The following MIPOL1 variants were observed in gnomAD, a reference collection of about 807,000 sequenced individuals.
The protein encoded by MIPOL1 is mirror-image polydactyly gene 1 protein.
MIPOL1 carries 57 observed loss-of-function variants against 60.9 expected under a neutral mutation model. The ratio of observed to expected loss-of-function variants is 0.94; its 90% CI spans 0.76 to 1.17. The LOEUF (loss-of-function observed/expected upper bound fraction) is 1.17. Among genes scored for constraint, MIPOL1 ranks in the 50% most tolerant of loss-of-function variants. The probability of loss-of-function intolerance (pLI) is 0.00; values close to 1 mark genes in which losing one functional copy is unlikely to be tolerated. For missense variants in MIPOL1, 551 were observed against 511.6 expected (o/e 1.08, Z -0.74); for synonymous variants, 179 against 168.8 (o/e 1.06, Z -0.47).
intron 6 of MIPOL1, among the ~76,000 whole-genome samples, chr14:37,275,255 T>C (rs951382908): frequency 1.3e-5 from 2 of 151,238 alleles, no homozygotes; most frequent in African/African-American, 4.8e-5. Flanking sequence ...TACTGAGTTT[T>C]AGCTCATTAA....
chr14:37,250,028 G>A (rs947300256), intron 3 of MIPOL1, among the ~76,000 whole-genome samples: 3 of 152,090 alleles, frequency 2.0e-5, no homozygotes, highest in African/African-American at 7.2e-5. Flanking sequence ...GTCAAGGAAG[G>A]AGCTGATGAA....
chr14:37,320,223 T>C (rs2153446241), intron 9 of MIPOL1, among the ~76,000 whole-genome samples: 1 of 152,288 alleles, frequency 6.6e-6, no homozygotes, highest in South Asian at 2.1e-4. Flanking sequence ...TTAGCTTTAT[T>C]AGGTAATGCC....
At chr14:37,287,322 T>C (rs1490003775) in intron 7 of MIPOL1, among the ~76,000 whole-genome samples, 1 of 152,048 alleles carries the variant, frequency 6.6e-6, no homozygotes, top group African/African-American at 2.4e-5. Flanking sequence ...TCAGAGCTCA[T>C]TGCAGACTTG....
At chr14:37,309,361 A>G (rs919674017) in intron 9 of MIPOL1, among the ~76,000 whole-genome samples, 3 of 151,968 alleles carry the variant, frequency 2.0e-5, no homozygotes, top group Non-Finnish European at 1.5e-5. Context: ...AGTGCACACT[A>G]TTGTTGTAGT....
chr14:37,265,003 C>G (rs1309325697), intron 3 of MIPOL1, among the ~76,000 whole-genome samples: 4 of 152,134 alleles, frequency 2.6e-5, no homozygotes, highest in South Asian at 2.1e-4. Flanking sequence ...CAACTCATTT[C>G]CAGATGAGCC....
At chr14:37,460,891 A>G (rs2094531524) in intron 11 of MIPOL1, among the ~76,000 whole-genome samples, 1 of 152,232 alleles carries the variant, frequency 6.6e-6, no homozygotes, top group Non-Finnish European at 1.5e-5. Flanking sequence ...ATGTTCATGG[A>G]TCAAAGAAAT....
chr14:37,511,846 C>T (rs954818994), intron 12 of MIPOL1, among the ~76,000 whole-genome samples: 2 of 152,032 alleles, frequency 1.3e-5, no homozygotes, highest in African/African-American at 2.4e-5. Context: ...CAAATTCCCT[C>T]ATAAACTATA....
At chr14:37,379,481 T>G (rs1050593467) in intron 10 of MIPOL1, among the ~76,000 whole-genome samples, 2 of 152,048 alleles carry the variant, frequency 1.3e-5, no homozygotes, top group African/African-American at 4.8e-5. Context: ...AATAAAAATA[T>G]AAAACTTCTG....
At chr14:37,205,560 G>T (rs1468754841) in intron 1 of MIPOL1, among the ~76,000 whole-genome samples, 1 of 151,844 alleles carries the variant, frequency 6.6e-6, no homozygotes, top group African/African-American at 2.4e-5. Flanking sequence ...ATGTTGGTTT[G>T]CTGCATCCAT....
intron 8 of MIPOL1, 65 bp from the exon 9 acceptor site, chr14:37,308,284 A>G: frequency 7.4e-7 from 1 of 1,353,188 alleles, no homozygotes; most frequent in Non-Finnish European, 9.9e-7. Context: ...CTATTAATTA[A>G]AACCCTATAT....
At chr14:37,471,089 C>G (rs578212287) in intron 11 of MIPOL1, among the ~76,000 whole-genome samples, 18 of 152,250 alleles carry the variant, frequency 1.2e-4, no homozygotes, top group African/African-American at 4.3e-4. Flanking sequence ...CTCACTGAAT[C>G]TATACAAATA....
At chr14:37,448,177 C>A (rs2094365356) in intron 11 of MIPOL1, among the ~76,000 whole-genome samples, 2 of 152,176 alleles carry the variant, frequency 1.3e-5, no homozygotes, top group African/African-American at 2.4e-5. Flanking sequence ...AGTGAGAGAA[C>A]CCCAGTTAGG....
intron 11 of MIPOL1, among the ~76,000 whole-genome samples, chr14:37,467,167 A>G (rs1351159504): frequency 6.6e-6 from 1 of 152,174 alleles, no homozygotes; most frequent in Non-Finnish European, 1.5e-5. Flanking sequence ...CAATAACCTT[A>G]ATTTTATCTT....
At chr14:37,388,269 C>T (rs893619748) in intron 10 of MIPOL1, among the ~76,000 whole-genome samples, 2 of 151,730 alleles carry the variant, frequency 1.3e-5, no homozygotes, top group Non-Finnish European at 2.9e-5. Flanking sequence ...TTTGTTTCAA[C>T]TGTTATTGAC....
chr14:37,323,686 C>T (rs1294837613), intron 9 of MIPOL1, among the ~76,000 whole-genome samples: 1 of 151,984 alleles, frequency 6.6e-6, no homozygotes, highest in Non-Finnish European at 1.5e-5. Flanking sequence ...CAAATTCATA[C>T]ACCCATGTAA....
intron 1 of MIPOL1, among the ~76,000 whole-genome samples, chr14:37,200,901 T>TGTGTG (rs551548144): frequency 3.1e-4 from 15 of 48,792 alleles, no homozygotes; most frequent in Non-Finnish European, 4.5e-4. Context: ...TGTGTGTGTA[T>TGTGTG]TTTTTTTTTT....
chr14:37,275,010 G>C (rs12890929), intron 6 of MIPOL1, among the ~76,000 whole-genome samples: 1,964 of 151,076 alleles, frequency 0.013, 23 homozygotes, highest in Non-Finnish European at 0.02. Flanking sequence ...TGTTAAAATA[G>C]TTTACAAAGA....
At chr14:37,246,371 C>T (rs975899790) in intron 1 of MIPOL1, among the ~76,000 whole-genome samples, 8 of 152,040 alleles carry the variant, frequency 5.3e-5, no homozygotes, top group Admixed American at 2.6e-4. Flanking sequence ...TTAATTATCT[C>T]AGTGTCCATA....
intron 1 of MIPOL1, among the ~76,000 whole-genome samples, chr14:37,214,078 G>C (rs1466994757): frequency 6.6e-6 from 1 of 152,124 alleles, no homozygotes; most frequent in Non-Finnish European, 1.5e-5. Flanking sequence ...AGTGCTAAAG[G>C]GAGTACTTTA....
Sources: gnomAD v4.1 joint callset for allele counts (sites outside exome capture counted in the v4.1 genomes callset) on GRCh38, gnomAD v4.1.1 for gene constraint, MANE v1.5 for transcripts, NCBI Gene and HGNC (gene_info 2026-07-23, HGNC 2026-07-21) for gene names.